Variants in CDK12 observed in about 807,000 individuals in gnomAD.
CDK12 encodes cyclin-dependent kinase 12.
In CDK12, 17 loss-of-function variants were observed where a neutral mutation model predicts 133.8. The ratio of observed to expected loss-of-function variants is 0.13; its 90% confidence interval spans 0.09 to 0.19. CDK12 has a LOEUF of 0.19. Ranked by LOEUF, CDK12 falls within the 10% of genes least tolerant of loss-of-function variation. The pLI is 1.00. For synonymous variants in CDK12, 694 were observed against 683.6 expected (o/e 1.02, Z -0.24); for missense variants, 1,508 against 1,818.7 (o/e 0.83, Z 3.11).
chr17:39,516,865 A>G (rs886175294), intron 9 of CDK12, among the ~76,000 whole-genome samples: 2 of 148,278 alleles, frequency 1.3e-5, no homozygotes, highest in African/African-American at 2.5e-5. Context: ...GGGTTTCACC[A>G]TGTTAGCCAG....
intron 2 of CDK12, among the ~76,000 whole-genome samples, chr17:39,472,791 A>G (rs934020952): frequency 6.6e-6 from 1 of 151,934 alleles, no homozygotes; most frequent in African/African-American, 2.4e-5. Context: ...ATAACATGCT[A>G]TCGGCCAGGC....
intron 1 of CDK12, among the ~76,000 whole-genome samples, chr17:39,465,053 G>A (rs903789988): frequency 5.3e-5 from 8 of 151,854 alleles, no homozygotes; most frequent in African/African-American, 1.7e-4. Context: ...TGAGACCAGC[G>A]TGGCCAATGT....
intron 2 of CDK12, among the ~76,000 whole-genome samples, chr17:39,475,547 A>T (rs1028389701): frequency 1.1e-4 from 15 of 139,812 alleles, no homozygotes; most frequent in Admixed American, 7.4e-5. Flanking sequence ...AGAACCTGAA[A>T]TTTTTTTTTT....
chr17:39,552,103 C>T (rs1371515144), intron 2 of CDK12, among the ~76,000 whole-genome samples: 4 of 152,136 alleles, frequency 2.6e-5, no homozygotes, highest in Non-Finnish European at 5.9e-5. Flanking sequence ...CCCCCAGCCT[C>T]ACCCAGCCCT....
intron 2 of CDK12, among the ~76,000 whole-genome samples, chr17:39,480,845 C>A (rs2050586195): frequency 6.6e-6 from 1 of 152,172 alleles, no homozygotes. Flanking sequence ...GTCTATAATT[C>A]TTGATTTCAA....
At chr17:39,545,496 C>CTTTT (rs34616390), upstream of CDK12, among the ~76,000 whole-genome samples, 24 of 103,588 alleles carry the variant, frequency 2.3e-4, no homozygotes, top group Admixed American at 4.3e-4. Context: ...CCCCAAAAAG[C>CTTTT]TTTTTTTTTT....
intron 3 of CDK12, among the ~76,000 whole-genome samples, chr17:39,491,812 CT>C (rs1321357973): frequency 6.7e-6 from 1 of 149,324 alleles, no homozygotes; most frequent in Non-Finnish European, 1.5e-5. Flanking sequence ...TCATTTCTGA[CT>C]TTTTAGTAAA....
At chr17:39,463,527 G>C (rs945951129) in intron 1 of CDK12, among the ~76,000 whole-genome samples, 1 of 152,070 alleles carries the variant, frequency 6.6e-6, no homozygotes, top group Non-Finnish European at 1.5e-5. Flanking sequence ...TTAAGAAATT[G>C]GTATGGAAGT....
chr17:39,497,563 T>C (rs2052227451), intron 5 of CDK12, among the ~76,000 whole-genome samples: 1 of 151,768 alleles, frequency 6.6e-6, no homozygotes, highest in Non-Finnish European at 1.5e-5. Flanking sequence ...AAAATTGTCA[T>C]CTGGATAGGT....
chr17:39,469,253 T>G (rs2049596592), intron 1 of CDK12, among the ~76,000 whole-genome samples: 1 of 152,188 alleles, frequency 6.6e-6, no homozygotes, highest in African/African-American at 2.4e-5. Context: ...CCAGATTTTA[T>G]TTCCAAAGCC....
At position 39,461,529 on chromosome 17, in the gene CDK12, G is replaced by C. The variant is rs1386826272; in HGVS notation, c.-543G>C. ...ATCTAGTGTGTGACTGGGTCTGTGT[G>C]AGGGAGAGAGTGTGTGTGGTGTGGA... On this transcript the variant is annotated 5_prime_UTR_variant, in exon 1 of 14. Coordinates refer to ENST00000447079, the MANE Select transcript of CDK12 (RefSeq NM_016507.4). 1 of 243,084 alleles carries C rather than the reference G, an allele frequency of 4.1e-6. No individual in the cohort carries two copies. The highest frequency in any genetic ancestry group is 5.1e-5 in the Admixed American group (1 of 19,782). 15.1% of individuals were successfully genotyped at this position (243,084 alleles called of 1,614,324 possible).
chr17:39,548,257 T>C (rs2055807886), upstream of CDK12, among the ~76,000 whole-genome samples: 1 of 152,146 alleles, frequency 6.6e-6, no homozygotes, highest in Admixed American at 6.5e-5. Flanking sequence ...CACTTGTTCT[T>C]CCTTGAAAAT....
At chr17:39,480,607 G>A (rs540420390) in intron 2 of CDK12, among the ~76,000 whole-genome samples, 1 of 152,084 alleles carries the variant, frequency 6.6e-6, no homozygotes, top group South Asian at 2.1e-4. Context: ...ATGTGTAGTA[G>A]AGAGAGGGTT....
intron 11 of CDK12, among the ~76,000 whole-genome samples, chr17:39,522,361 A>G (rs766138771): frequency 1.8e-4 from 27 of 152,172 alleles, no homozygotes; most frequent in Admixed American, 3.3e-4. Context: ...TGCTGGGATT[A>G]CAGGCGTGAG....
chr17:39,489,544 G>T (rs1332863338), intron 2 of CDK12, among the ~76,000 whole-genome samples: 16 of 136,476 alleles, frequency 1.2e-4, no homozygotes, highest in African/African-American at 4.2e-4. Context: ...TCATACTGTT[G>T]CCTGGGCTGG....
rs1474866662 is a variant in CDK12, at chr17:39,470,851, A to C, written c.1047-28A>C. The C allele has an allele frequency of 4.5e-6, 7 of 1,570,420 alleles. No individual in the cohort carries two copies. In the East Asian group the frequency reaches 1.6e-4, roughly 35 times the overall value. ...CTCCATATACTACTGTAGTCCATTC[A>C]TTTAAAACTGGCTTTTTATTTTTCC... is the stretch of plus-strand genomic sequence containing the variant. On this transcript the variant is annotated intron_variant, in intron 1 of 13. Transcript: ENST00000447079.
In CDK12 at chr17:39,462,052, T is replaced by C. The variant is rs183690426; in HGVS notation, c.-20T>C. The C allele has an allele frequency of 2.1e-4, 336 of 1,600,580 alleles. 1 individual carries two copies. In the African/African-American group the frequency reaches 4.0e-3, roughly 19 times the overall value. ...AGTGCTGGGGAACTTTTTTCCCTTC[T>C]TCAGGTCAGGGGAAAGGGAATGCCC... On this transcript the variant is annotated 5_prime_UTR_variant, in exon 1 of 14. Transcript: ENST00000447079.
intron 4 of CDK12, among the ~76,000 whole-genome samples, chr17:39,493,150 C>G (rs1443335331): frequency 6.8e-6 from 1 of 146,476 alleles, no homozygotes; most frequent in Non-Finnish European, 1.5e-5. Context: ...TGCGCAACCA[C>G]ACTCGACTAA....
At position 39,494,490 on chromosome 17, in the gene CDK12, C is replaced by T. The variant is rs777452020; in HGVS notation, c.2249-34C>T. ...GTTCACAATAGTGGCCAAAAATGCT[C>T]ATTGATAATAACAGTTTACATTTGT... On this transcript the variant is annotated intron_variant, in intron 4 of 13. Coordinates refer to ENST00000447079, the MANE Select transcript of CDK12 (RefSeq NM_016507.4). The T allele has an allele frequency of 5.0e-6, 8 of 1,600,488 alleles. No homozygotes were observed. In the African/African-American group the frequency reaches 8.0e-5, roughly 16 times the overall value.
Sources: gnomAD v4.1 joint callset for allele counts (sites outside exome capture counted in the v4.1 genomes callset) on GRCh38, gnomAD v4.1.1 for gene constraint, MANE v1.5 for transcripts, NCBI Gene and HGNC (gene_info 2026-07-23, HGNC 2026-07-21) for gene names.